RALGPS1: variants seen among roughly 807,000 people sequenced by gnomAD.
RALGPS1 encodes the protein ras-specific guanine nucleotide-releasing factor RalGPS1.
A neutral mutation model predicts 78.8 loss-of-function variants in RALGPS1; 19 were observed. The ratio of observed to expected loss-of-function variants is 0.24; its 90% confidence interval spans 0.17 to 0.35. The LOEUF (loss-of-function observed/expected upper bound fraction) is 0.35, where lower values mean the gene tolerates loss of function less well. RALGPS1 is among the 10% of genes least tolerant of loss of function. RALGPS1 has a pLI of 1.00. For synonymous variants in RALGPS1, 228 were observed against 256.3 expected (o/e 0.89, Z 1.06); for missense variants, 454 against 688.3 (o/e 0.66, Z 3.81).
chr9:127,003,022 A>G (rs1167133470), intron 4 of RALGPS1, among the ~76,000 whole-genome samples: 1 of 152,178 alleles, frequency 6.6e-6, no homozygotes, highest in African/African-American at 2.4e-5. Context: ...GAATCGCCAC[A>G]CTGACTTCCA....
intron 11 of RALGPS1, among the ~76,000 whole-genome samples, chr9:127,194,287 G>C (rs1187760234): frequency 6.6e-6 from 1 of 152,230 alleles, no homozygotes; most frequent in Non-Finnish European, 1.5e-5. Context: ...GGTAGCAAAT[G>C]AAAGACCTAA....
intron 7 of RALGPS1, among the ~76,000 whole-genome samples, chr9:127,064,081 A>G (rs144974970): frequency 1.1e-3 from 161 of 152,332 alleles, no homozygotes; most frequent in African/African-American, 3.8e-3. Context: ...AAGCACAATC[A>G]TGATCAGTAT....
chr9:127,071,093 C>A (rs2050162919), intron 8 of RALGPS1, among the ~76,000 whole-genome samples: 1 of 135,520 alleles, frequency 7.4e-6, no homozygotes, highest in African/African-American at 2.9e-5. Context: ...TATACTAAAA[C>A]TAAAAAATAC....
Position 127,212,712 on chromosome 9 carries a change from G to C in RALGPS1, c.1439G>C (p.Arg480Thr). 6.2e-7 allele frequency: 1 copy of C among 1,610,918 alleles called. No homozygotes were observed. Among genetic ancestry groups the C allele is most frequent in the South Asian group, 1.1e-5 (1 of 90,960 alleles). ...GCCAAGTCCTTGCGGGGCACAGACA[G>C]AAAACACGTAAGTCCCTTGAAAGGA... Reference protein sequence around the residue: ...YGAKSLRGTDRKHYKSTPGKK... With the variant: ...YGAKSLRGTDTKHYKSTPGKK... Residue 480 changes from arginine (R) to threonine (T), a missense_variant, in exon 16 of 19, where the codon AGA becomes ACA. Transcript: ENST00000259351. The surrounding 1 kb of genome is among the most constrained non-coding windows in gnomAD (Gnocchi z 6.0).
At chr9:127,125,521 AGAT>A (rs747057315) in intron 8 of RALGPS1, among the ~76,000 whole-genome samples, 8 of 152,224 alleles carry the variant, frequency 5.3e-5, no homozygotes, top group Non-Finnish European at 1.5e-5. Flanking sequence ...GGATTGAGTA[AGAT>A]GATGGGGCTG....
rs1262774172 is a variant in RALGPS1 at position 127,168,463 on chromosome 9, TG to T, written c.749-210del. Among the ~76,000 whole-genome samples, 4 of 152,136 alleles carry T rather than the reference TG, an allele frequency of 2.6e-5. No individual in the cohort carries two copies. In the East Asian group the frequency reaches 5.8e-4, roughly 22 times the overall value. The stretch of plus-strand genomic sequence containing the variant: ...GTGTGGTGACTGAGGCCCGGTCATC[TG>T]GGGGGTACTCCTTGAGGGCAGAACC... On this transcript the variant is annotated intron_variant, in intron 9 of 18. Transcript: ENST00000259351.
intron 8 of RALGPS1, among the ~76,000 whole-genome samples, chr9:127,102,119 C>T (rs1157000032): frequency 6.6e-6 from 1 of 152,154 alleles, no homozygotes; most frequent in Non-Finnish European, 1.5e-5. Context: ...CTGCTGCCTG[C>T]ATCCTTCACT....
chr9:127,099,232 G>A (rs2053476657), intron 8 of RALGPS1, among the ~76,000 whole-genome samples: 1 of 152,188 alleles, frequency 6.6e-6, no homozygotes, highest in South Asian at 2.1e-4. Flanking sequence ...TGTTCTGGGG[G>A]GCTCTTGGTT....
chr9:126,923,277 G>T (rs1321194195), intron 1 of RALGPS1, among the ~76,000 whole-genome samples: 1 of 152,160 alleles, frequency 6.6e-6, no homozygotes, highest in African/African-American at 2.4e-5. Flanking sequence ...GATGTGCATA[G>T]AAGACAATGG....
At chr9:127,100,550 G>C (rs1039572816) in intron 8 of RALGPS1, among the ~76,000 whole-genome samples, 1 of 152,230 alleles carries the variant, frequency 6.6e-6, no homozygotes, top group Admixed American at 6.5e-5. Context: ...ACAGAGGTGA[G>C]CAGCTCACCT....
intron 4 of RALGPS1, among the ~76,000 whole-genome samples, chr9:127,022,836 A>G (rs1045905143): frequency 1.3e-5 from 2 of 151,966 alleles, no homozygotes; most frequent in Admixed American, 1.3e-4. Context: ...TCCTACCTTC[A>G]TCCTCATTCA....
In RALGPS1 at chr9:127,218,938, T is replaced by G. The variant is rs2062702097; in HGVS notation, c.*169T>G. On this transcript the variant is annotated 3_prime_UTR_variant, in exon 19 of 19. Coordinates refer to ENST00000259351, the MANE Select transcript of RALGPS1 (RefSeq NM_014636.3). This position sits in a 1 kb window ranked among gnomAD's most constrained non-coding sequence, Gnocchi z 4.4. ...ACCATCCCAGAGGGCTTCACCAGTG[T>G]GGGATCCACCTGTCAGTCCCCAGCG... The G allele has an allele frequency of 1.4e-6, 1 of 737,836 alleles. No homozygotes were observed. Among genetic ancestry groups the G allele is most frequent in the Non-Finnish European group, 2.4e-6 (1 of 425,206 alleles). The allele number at this position is 737,836 out of a possible 1,614,324, so 45.7% of individuals were successfully genotyped here.
intron 8 of RALGPS1, among the ~76,000 whole-genome samples, chr9:127,153,742 C>G (rs1283681789): frequency 6.6e-6 from 1 of 152,224 alleles, no homozygotes; most frequent in South Asian, 2.1e-4. Context: ...CCCTGCAGAG[C>G]ATCCTCTGAC....
chr9:127,108,293 G>A (rs1242036968), intron 8 of RALGPS1: 14 of 1,613,954 alleles, frequency 8.7e-6, no homozygotes, highest in African/African-American at 1.3e-5. Flanking sequence ...TCCCGCTTGC[G>A]GATGATCTCG....
chr9:127,198,958 G>A, intron 13 of RALGPS1, 57 bp from the exon 14 acceptor site: 2 of 1,521,694 alleles, frequency 1.3e-6, no homozygotes, highest in South Asian at 1.1e-5. Flanking sequence ...TGACCCAGGA[G>A]AACAGGCCCC....
intron 5 of RALGPS1, among the ~76,000 whole-genome samples, chr9:127,046,912 A>T (rs1344146009): frequency 6.6e-6 from 1 of 152,098 alleles, no homozygotes; most frequent in Non-Finnish European, 1.5e-5. Context: ...AAACAAACAA[A>T]CAAAAAACAC....
intron 8 of RALGPS1, among the ~76,000 whole-genome samples, chr9:127,099,409 A>C (rs943444222): frequency 6.6e-6 from 1 of 152,286 alleles, no homozygotes; most frequent in Middle Eastern, 3.4e-3. Flanking sequence ...TCCCTGAAAC[A>C]TTTTTCTAAC....
chr9:127,122,909 G>C lies in RALGPS1; in HGVS notation c.611-43160G>C, dbSNP rs1395253270. On this transcript the variant is annotated intron_variant, in intron 8 of 18. Transcript: ENST00000259351. The surrounding 1 kb of genome is among the most constrained non-coding windows in gnomAD (Gnocchi z 6.4). ...CTCCTTCCTTGGCACGGGCAGCCTG[G>C]CCAGCTCTGCTCCCTGGCCCGCCCT... 1 of 152,400 alleles carries C rather than the reference G, an allele frequency of 6.6e-6. No homozygotes were observed. Among genetic ancestry groups the C allele is most frequent in the East Asian group, 1.9e-4 (1 of 5,204 alleles). The allele number at this position is 152,400 out of a possible 1,614,324, so 9.4% of individuals were successfully genotyped here.
chr9:127,214,464 T>G (rs2062460497), intron 17 of RALGPS1, among the ~76,000 whole-genome samples: 1 of 152,198 alleles, frequency 6.6e-6, no homozygotes, highest in Non-Finnish European at 1.5e-5. Context: ...TGTATTTGAG[T>G]ATTATCGATT....
Sources: gnomAD v4.1 joint callset for allele counts (sites outside exome capture counted in the v4.1 genomes callset) on GRCh38, gnomAD v4.1.1 for gene constraint, Gnocchi (gnomAD v3.1) non-coding constraint, MANE v1.5 for transcripts, NCBI Gene and HGNC (gene_info 2026-07-23, HGNC 2026-07-21) for gene names.